ITPR1: variants seen among roughly 807,000 people sequenced by gnomAD.
The protein encoded by ITPR1 is inositol 1,4,5-trisphosphate-gated calcium channel ITPR1.
Under a neutral mutation model 318.4 loss-of-function variants are expected in ITPR1, and 96 were observed. That is an observed-to-expected ratio of 0.30 (90% CI 0.26 to 0.36). The LOEUF is 0.36. Among genes scored for constraint, ITPR1 ranks in the 10% least tolerant of loss-of-function variants. The pLI, the probability that ITPR1 is intolerant of heterozygous loss-of-function variation, is 1.00. For missense variants in ITPR1, 2,440 were observed against 3,460.2 expected (o/e 0.71, Z 7.40); for synonymous variants, 1,312 against 1,289.9 (o/e 1.02, Z -0.37).
intron 4 of ITPR1, among the ~76,000 whole-genome samples, chr3:4,575,083 A>G (rs935796063): frequency 1.3e-5 from 2 of 152,228 alleles, no homozygotes; most frequent in African/African-American, 4.8e-5. Context: ...TTTCTTGCAA[A>G]TATGTTATAT....
intron 10 of ITPR1, among the ~76,000 whole-genome samples, chr3:4,649,954 T>G (rs1575899896): frequency 6.6e-6 from 1 of 152,174 alleles, no homozygotes; most frequent in Non-Finnish European, 1.5e-5. Flanking sequence ...TACTATAACC[T>G]TATGGGGTAG....
At chr3:4,583,127 G>A (rs1468361180) in intron 4 of ITPR1, among the ~76,000 whole-genome samples, 2 of 152,188 alleles carry the variant, frequency 1.3e-5, no homozygotes, top group Admixed American at 6.5e-5. Context: ...AGGGAGATCT[G>A]CTACAACAGG....
Position 4,745,982 on chromosome 3 carries a change from T to C in ITPR1, c.5544+10628T>C, listed in dbSNP as rs117287555. Among the ~76,000 whole-genome samples the C allele has an allele frequency of 7.9e-5, 12 of 152,322 alleles. No individual in the cohort carries two copies. The East Asian group carries it at 2.3e-3, about 29-fold the overall frequency. ...ACTCTACCTCCTGGGAGTTTAACCA[T>C]TGTTAGGACTTATAATGAGCCAGAT... On this transcript the variant is annotated intron_variant, in intron 44 of 61. Coordinates refer to ENST00000649015, the MANE Select transcript of ITPR1 (RefSeq NM_001378452.1).
intron 5 of ITPR1, among the ~76,000 whole-genome samples, chr3:4,636,652 C>T (rs145566974): frequency 0.018 from 2,673 of 152,254 alleles, 83 homozygotes; most frequent in African/African-American, 0.059. Context: ...TGGTCTCAAA[C>T]TCCTGACCTC....
At chr3:4,805,387 G>A (rs1276150963) in intron 54 of ITPR1, among the ~76,000 whole-genome samples, 1 of 152,142 alleles carries the variant, frequency 6.6e-6, no homozygotes, top group Admixed American at 6.5e-5. Context: ...GGACATCATT[G>A]GCTCCATTTG....
At chr3:4,588,510 C>G (rs1404472164) in intron 4 of ITPR1, among the ~76,000 whole-genome samples, 1 of 152,048 alleles carries the variant, frequency 6.6e-6, no homozygotes, top group Non-Finnish European at 1.5e-5. Flanking sequence ...CTCCCTGACT[C>G]TCTCTTCCGC....
chr3:4,833,218 A>G (rs1323392928), intron 60 of ITPR1, among the ~76,000 whole-genome samples: 1 of 152,242 alleles, frequency 6.6e-6, no homozygotes, highest in Non-Finnish European at 1.5e-5. Flanking sequence ...GCCAGGAGGT[A>G]CATATGGCAT....
At chr3:4,831,873 G>T (rs190386106) in intron 60 of ITPR1, among the ~76,000 whole-genome samples, 5 of 152,332 alleles carry the variant, frequency 3.3e-5, no homozygotes, top group Non-Finnish European at 7.3e-5. Context: ...TCCAGTAACT[G>T]GGTTATAGTC....
At chr3:4,635,895 T>A (rs2093174665) in intron 5 of ITPR1, among the ~76,000 whole-genome samples, 2 of 152,016 alleles carry the variant, frequency 1.3e-5, no homozygotes, top group Admixed American at 1.3e-4. Flanking sequence ...TGCTTGCTTT[T>A]TTTTTTTGAG....
chr3:4,654,680 T>C (rs1414085213), intron 12 of ITPR1, among the ~76,000 whole-genome samples: 1 of 152,138 alleles, frequency 6.6e-6, no homozygotes, highest in African/African-American at 2.4e-5. Context: ...GTATTGAGGG[T>C]GTTTCTTTCT....
At chr3:4,552,723 C>G (rs907285098) in intron 4 of ITPR1, among the ~76,000 whole-genome samples, 1 of 152,198 alleles carries the variant, frequency 6.6e-6, no homozygotes, top group African/African-American at 2.4e-5. Flanking sequence ...CCTTCAGCCT[C>G]TCTTCCCTCT....
At chr3:4,653,500 G>A (rs1015388039) in intron 11 of ITPR1, among the ~76,000 whole-genome samples, 5 of 152,196 alleles carry the variant, frequency 3.3e-5, no homozygotes. Flanking sequence ...GCTCTTGCTG[G>A]AGGCCTACAT....
At chr3:4,524,301 GTTTTTTT>G (rs56380229) in intron 4 of ITPR1, among the ~76,000 whole-genome samples, 133 of 73,496 alleles carry the variant, frequency 1.8e-3, no homozygotes, top group African/African-American at 6.7e-3. Context: ...ATACTTTGAC[GTTTTTTT>G]TTTTTTTTTT....
intron 4 of ITPR1, among the ~76,000 whole-genome samples, chr3:4,575,801 G>A (rs1194287736): frequency 6.6e-6 from 1 of 151,892 alleles, no homozygotes; most frequent in African/African-American, 2.4e-5. Flanking sequence ...CAGAAGCATC[G>A]CTTGAGGCCA....
chr3:4,645,249 A>C (rs1476975084), intron 8 of ITPR1, 138 bp from the exon 9 acceptor site: 1 of 678,668 alleles, frequency 1.5e-6, no homozygotes, highest in Non-Finnish European at 2.7e-6. Flanking sequence ...AGGTGCTGTG[A>C]TTTTAGTGGC....
chr3:4,682,198 A>T (rs528399456), intron 26 of ITPR1, among the ~76,000 whole-genome samples: 2 of 152,340 alleles, frequency 1.3e-5, no homozygotes, highest in African/African-American at 4.8e-5. Context: ...TGAGGTGGTA[A>T]CTGGGGCTGG....
chr3:4,775,316 T>C lies in ITPR1; in HGVS notation c.6054T>C (p.Ile2018=). 6.2e-7 allele frequency: 1 copy of C among 1,613,980 alleles called. No individual in the cohort carries two copies. The highest frequency in any genetic ancestry group is 2.2e-5 in the East Asian group (1 of 44,888). The change falls in exon 47 of 62, where the codon ATT becomes ATC. Residue 2018 remains isoleucine, a synonymous_variant. Coordinates refer to ENST00000649015, the MANE Select transcript of ITPR1 (RefSeq NM_001378452.1). ...AGACCCTGCAGTTTCTGGACTGTAT[T>C]TGTGGAAGCACAACTGGAGGCCTTG... ...VCETLQFLDC[I]CGSTTGGLGL... is the part of the protein sequence containing the mutation.
chr3:4,754,032 G>A (rs1350718687), intron 44 of ITPR1, among the ~76,000 whole-genome samples: 1 of 125,982 alleles, frequency 7.9e-6, no homozygotes, highest in Non-Finnish European at 1.6e-5. Context: ...CCGTGTGACT[G>A]CACAAACACA....
intron 4 of ITPR1, among the ~76,000 whole-genome samples, chr3:4,625,455 A>G (rs1403093006): frequency 1.3e-5 from 2 of 152,224 alleles, no homozygotes; most frequent in African/African-American, 4.8e-5. Context: ...ATGAATAGGT[A>G]AGAATAAATG....
Sources: gnomAD v4.1 joint callset for allele counts (sites outside exome capture counted in the v4.1 genomes callset) on GRCh38, gnomAD v4.1.1 for gene constraint, MANE v1.5 for transcripts, NCBI Gene and HGNC (gene_info 2026-07-23, HGNC 2026-07-21) for gene names.